The following SLC39A11 variants were observed in gnomAD, a reference collection of about 807,000 sequenced individuals.
SLC39A11 encodes the protein solute carrier family 39 member 11.
A neutral mutation model predicts 36.1 loss-of-function variants in SLC39A11; 33 were observed. That is an observed-to-expected ratio of 0.91 (90% CI 0.69 to 1.22). SLC39A11 has a LOEUF of 1.22. Among genes scored for constraint, SLC39A11 ranks in the 50% most tolerant of loss-of-function variants. The pLI is 0.00. For synonymous variants in SLC39A11, 166 were observed against 170.3 expected (o/e 0.97, Z 0.20); for missense variants, 432 against 430.3 (o/e 1.00, Z -0.03).
intron 6 of SLC39A11, among the ~76,000 whole-genome samples, chr17:72,768,921 C>T (rs528866115): frequency 3.5e-4 from 53 of 152,044 alleles, no homozygotes; most frequent in Non-Finnish European, 6.8e-4. Flanking sequence ...CCACCACGCT[C>T]GGCTAATTTT....
At chr17:72,980,908 C>G (rs1287768274) in intron 4 of SLC39A11, among the ~76,000 whole-genome samples, 1 of 151,868 alleles carries the variant, frequency 6.6e-6, no homozygotes, top group Non-Finnish European at 1.5e-5. Flanking sequence ...CCTATAATCC[C>G]AGCCACTATG....
chr17:72,900,880 G>A (rs1237912057), intron 5 of SLC39A11, among the ~76,000 whole-genome samples: 1 of 152,030 alleles, frequency 6.6e-6, no homozygotes, highest in Non-Finnish European at 1.5e-5. Context: ...CACAGTGAGG[G>A]TCCTTGTTTT....
intron 5 of SLC39A11, among the ~76,000 whole-genome samples, chr17:72,914,950 C>G (rs1320577243): frequency 1.3e-5 from 2 of 150,454 alleles, no homozygotes; most frequent in Non-Finnish European, 3.0e-5. Context: ...TTTTGCCAAT[C>G]AAGTCATTCC....
chr17:72,784,143 G>A (rs2076418099), intron 6 of SLC39A11, among the ~76,000 whole-genome samples: 1 of 152,074 alleles, frequency 6.6e-6, no homozygotes, highest in South Asian at 2.1e-4. Flanking sequence ...TCAGGAGTTC[G>A]AGACCAGCCT....
rs183541294 is a variant in SLC39A11, at chr17:73,062,970, G to A, written c.147+21838C>T. Among the ~76,000 whole-genome samples, 8 of 152,180 alleles carry A rather than the reference G, an allele frequency of 5.3e-5. No individual in the cohort carries two copies. The East Asian group carries it at 1.4e-3, about 26-fold the overall frequency. On this transcript the variant is annotated intron_variant, in intron 3 of 9. Coordinates refer to ENST00000255559, the MANE Select transcript of SLC39A11 (RefSeq NM_139177.4). ...CAGATGAAGCTTTGCTCACTCACCCGCCACTCACCTCCTGCTGTGTGGCCC... is the reference window on the plus strand; with the variant it reads ...CAGATGAAGCTTTGCTCACTCACCCACCACTCACCTCCTGCTGTGTGGCCC...
intron 6 of SLC39A11, among the ~76,000 whole-genome samples, chr17:72,824,238 G>A (rs1413015999): frequency 2.0e-5 from 3 of 150,922 alleles, no homozygotes; most frequent in Non-Finnish European, 4.5e-5. Context: ...GTTTAAAAGT[G>A]TGTAGCACCT....
chr17:72,997,302 G>A (rs949984498), intron 4 of SLC39A11, among the ~76,000 whole-genome samples: 27 of 152,168 alleles, frequency 1.8e-4, no homozygotes, highest in Admixed American at 1.6e-3. Context: ...CGCCCAGGCT[G>A]GAATGCAGTG....
At chr17:73,081,644 C>T (rs1441897948) in intron 3 of SLC39A11, among the ~76,000 whole-genome samples, 6 of 83,318 alleles carry the variant, frequency 7.2e-5, no homozygotes, top group African/African-American at 2.3e-4. Context: ...CACACACACA[C>T]ACACACACAC....
chr17:73,030,003 G>A (rs1430978516), intron 4 of SLC39A11, among the ~76,000 whole-genome samples: 1 of 152,032 alleles, frequency 6.6e-6, no homozygotes, highest in Admixed American at 6.5e-5. Flanking sequence ...AGGGGCCGGG[G>A]TAGGGGGTTG....
intron 6 of SLC39A11, among the ~76,000 whole-genome samples, chr17:72,741,039 G>T (rs2074673302): frequency 6.6e-6 from 1 of 152,180 alleles, no homozygotes; most frequent in Admixed American, 6.5e-5. Flanking sequence ...CTCCCAAAGT[G>T]CTGGGATTAC....
intron 7 of SLC39A11, among the ~76,000 whole-genome samples, chr17:72,653,019 G>T (rs2069924953): frequency 1.3e-5 from 2 of 152,100 alleles, no homozygotes; most frequent in South Asian, 4.2e-4. Flanking sequence ...CGCTTCCCTG[G>T]GCACAGAGGA....
rs569824104 is a variant in SLC39A11 at position 72,682,507 on chromosome 17, T to C, written c.672-33239A>G. Among the ~76,000 whole-genome samples, 59 of 152,374 alleles carry C rather than the reference T, an allele frequency of 3.9e-4. 1 individual carries two copies. The highest frequency in any genetic ancestry group is 6.8e-4 in the Non-Finnish European group (46 of 68,034). On this transcript the variant is annotated intron_variant, in intron 7 of 9. Transcript: ENST00000255559. ...ATACGTGTAATTGACTAAATGGAACTGACTGTGTGGGGAGGGGGCCGGTGC... is the reference window on the plus strand; with the variant it reads ...ATACGTGTAATTGACTAAATGGAACCGACTGTGTGGGGAGGGGGCCGGTGC...
chr17:72,820,340 C>T (rs2077726628), intron 6 of SLC39A11, among the ~76,000 whole-genome samples: 1 of 151,146 alleles, frequency 6.6e-6, no homozygotes, highest in Non-Finnish European at 1.5e-5. Context: ...TTGCGATGTC[C>T]CATCCTCATG....
intron 7 of SLC39A11, chr17:72,725,689 C>T (rs998176462): frequency 2.0e-5 from 3 of 152,188 alleles, no homozygotes; most frequent in Non-Finnish European, 4.4e-5. Flanking sequence ...CGCTGCCAGC[C>T]GGCACTTTCA....
intron 5 of SLC39A11, among the ~76,000 whole-genome samples, chr17:72,922,979 A>AAAC (rs1567959668): frequency 2.2e-5 from 3 of 138,008 alleles, no homozygotes; most frequent in East Asian, 2.2e-4. Flanking sequence ...AAAAAAAAAA[A>AAAC]AAAAAAAAAA....
At chr17:72,716,992 T>TATAC (rs773086532) in intron 7 of SLC39A11, among the ~76,000 whole-genome samples, 32 of 126,446 alleles carry the variant, frequency 2.5e-4, no homozygotes, top group African/African-American at 6.7e-4. Flanking sequence ...TATATATATA[T>TATAC]ACACACACAC....
chr17:72,724,646 T>C (rs1369719633), intron 7 of SLC39A11, among the ~76,000 whole-genome samples: 1 of 152,116 alleles, frequency 6.6e-6, no homozygotes, highest in Admixed American at 6.5e-5. Context: ...GACTTCCTTT[T>C]CCACTCTGAG....
Position 73,046,628 on chromosome 17 carries a change from T to C in SLC39A11, c.148-14914A>G, listed in dbSNP as rs187527021. On this transcript the variant is annotated intron_variant, in intron 3 of 9. Coordinates refer to ENST00000255559, the MANE Select transcript of SLC39A11 (RefSeq NM_139177.4). ...TAATTATCGTCATCTTCTCTCTCTG[T>C]CTCTGTCTCTCTTTCTCTCTCTAAG... is the stretch of plus-strand genomic sequence containing the variant. Among the ~76,000 whole-genome samples, 342 of 152,286 alleles carry C rather than the reference T, an allele frequency of 2.2e-3. 2 individuals are homozygous for C. The highest frequency in any genetic ancestry group is 7.8e-3 in the African/African-American group (325 of 41,566).
chr17:73,032,072 G>A (rs565377290), intron 3 of SLC39A11, among the ~76,000 whole-genome samples: 1 of 152,146 alleles, frequency 6.6e-6, no homozygotes, highest in South Asian at 2.1e-4. Flanking sequence ...AGGAGCGTAG[G>A]GGGAGGTTGC....
Sources: gnomAD v4.1 joint callset for allele counts (sites outside exome capture counted in the v4.1 genomes callset) on GRCh38, gnomAD v4.1.1 for gene constraint, MANE v1.5 for transcripts, NCBI Gene and HGNC (gene_info 2026-07-23, HGNC 2026-07-21) for gene names.